SNTG2: variants seen among roughly 807,000 people sequenced by gnomAD.
SNTG2 encodes gamma-2-syntrophin.
A neutral mutation model predicts 70.9 loss-of-function variants in SNTG2; 74 were observed. That is an observed-to-expected ratio of 1.04 (90% CI 0.86 to 1.27). The LOEUF (loss-of-function observed/expected upper bound fraction) is 1.27, where lower values mean the gene tolerates loss of function less well. SNTG2 is among the 50% of genes most tolerant of loss of function. The pLI is 0.00. For synonymous variants in SNTG2, 278 were observed against 273.8 expected (o/e 1.02, Z -0.15); for missense variants, 717 against 690.7 (o/e 1.04, Z -0.43).
intron 1 of SNTG2, among the ~76,000 whole-genome samples, chr2:992,139 AT>A (rs1455999625): frequency 6.6e-6 from 1 of 152,204 alleles, no homozygotes; most frequent in African/African-American, 2.4e-5. Flanking sequence ...AACATATTTT[AT>A]ATAAATTATC....
At chr2:974,197 G>A (rs1205954928) in intron 1 of SNTG2, among the ~76,000 whole-genome samples, 3 of 152,118 alleles carry the variant, frequency 2.0e-5, no homozygotes, top group African/African-American at 7.2e-5. Flanking sequence ...CCCCTTAGAA[G>A]TCACCTTCAG....
intron 1 of SNTG2, among the ~76,000 whole-genome samples, chr2:1,081,280 T>C (rs1664275679): frequency 1.3e-5 from 2 of 152,118 alleles, no homozygotes; most frequent in African/African-American, 2.4e-5. Flanking sequence ...TGAGAGTAAA[T>C]GCGGGAGGCA....
chr2:1,012,108 A>G (rs1430381442), intron 1 of SNTG2, among the ~76,000 whole-genome samples: 3 of 152,190 alleles, frequency 2.0e-5, no homozygotes, highest in Non-Finnish European at 4.4e-5. Context: ...TGCTATTGAG[A>G]TAATAATCTG....
intron 8 of SNTG2, among the ~76,000 whole-genome samples, chr2:1,198,986 T>C (rs1194704179): frequency 6.6e-6 from 1 of 151,930 alleles, no homozygotes; most frequent in Non-Finnish European, 1.5e-5. Context: ...CTTCTTAAAC[T>C]ACTTCAAAAA....
At chr2:1,069,933 C>T (rs111408514) in intron 1 of SNTG2, among the ~76,000 whole-genome samples, 104 of 152,294 alleles carry the variant, frequency 6.8e-4, no homozygotes, top group African/African-American at 2.2e-3. Flanking sequence ...AAGCCCACTC[C>T]TCACCGCCTA....
chr2:1,259,431 A>C lies in SNTG2; in HGVS notation c.1067A>C (p.Lys356Thr). 6.2e-7 allele frequency: 1 copy of C among 1,613,824 alleles called. No individual in the cohort carries two copies. The highest frequency in any genetic ancestry group is 1.1e-5 in the South Asian group (1 of 91,056). ...TATCACCTCTGTGAGGTGCTATTTA[A>C]AGTTCACAAGGTAGGTATCTTTTGC... The part of the protein sequence containing the change: ...RTYHLCEVLF[K>T]VHKFWLTEDC... Residue 356 changes from lysine (K) to threonine (T), a missense_variant, in exon 13 of 17, where the codon AAA (lysine) becomes ACA (threonine). By Grantham distance (78) the Lys-to-Thr change is moderately conservative. Transcript: ENST00000308624.
intron 1 of SNTG2, among the ~76,000 whole-genome samples, chr2:971,153 A>G (rs1361332160): frequency 6.6e-6 from 1 of 152,238 alleles, no homozygotes; most frequent in African/African-American, 2.4e-5. Context: ...CTGGCTTCCT[A>G]GAATGAGTTA....
chr2:1,358,678 TG>T (rs922341532), intron 16 of SNTG2, among the ~76,000 whole-genome samples: 1 of 152,310 alleles, frequency 6.6e-6, no homozygotes, highest in Non-Finnish European at 1.5e-5. Flanking sequence ...CTTCTGCTAT[TG>T]ATTTCTAGCT....
intron 2 of SNTG2, among the ~76,000 whole-genome samples, chr2:1,095,233 G>C (rs6744980): frequency 0.79 from 120,723 of 152,170 alleles, 48,147 homozygotes; most frequent in Admixed American, 0.87. Flanking sequence ...CTGGAGGTCA[G>C]GACTTCAACA....
At chr2:1,282,226 G>A (rs952586109) in intron 14 of SNTG2, among the ~76,000 whole-genome samples, 2 of 152,140 alleles carry the variant, frequency 1.3e-5, no homozygotes, top group Non-Finnish European at 2.9e-5. Flanking sequence ...GAAGTGAATT[G>A]CACTTGTAGG....
intron 7 of SNTG2, among the ~76,000 whole-genome samples, chr2:1,170,635 G>A (rs1671065912): frequency 6.6e-6 from 1 of 151,226 alleles, no homozygotes; most frequent in Non-Finnish European, 1.5e-5. Flanking sequence ...CGCCCCCAAT[G>A]TCGCGGGCAT....
intron 16 of SNTG2, among the ~76,000 whole-genome samples, chr2:1,328,382 AAAAGAAT>A (rs1202987298): frequency 6.6e-6 from 1 of 152,218 alleles, no homozygotes; most frequent in Non-Finnish European, 1.5e-5. Context: ...AATTTAATAA[AAAAGAAT>A]AGAGCTTTAC....
chr2:1,224,084 A>C (rs2148054494), intron 9 of SNTG2, among the ~76,000 whole-genome samples: 1 of 152,274 alleles, frequency 6.6e-6, no homozygotes. Flanking sequence ...GGAAGGGGTG[A>C]GGGTCTCCCT....
At chr2:1,010,890 T>C (rs1225058088) in intron 1 of SNTG2, among the ~76,000 whole-genome samples, 1 of 152,178 alleles carries the variant, frequency 6.6e-6, no homozygotes, top group Non-Finnish European at 1.5e-5. Flanking sequence ...ACTTACTGTG[T>C]AGGCCCTAGA....
At chr2:1,135,752 C>T (rs1294230018) in intron 4 of SNTG2, among the ~76,000 whole-genome samples, 1 of 152,182 alleles carries the variant, frequency 6.6e-6, no homozygotes, top group African/African-American at 2.4e-5. Flanking sequence ...AAGACATTAT[C>T]TCCTGCACTG....
At chr2:978,104 T>G (rs1660973612) in intron 1 of SNTG2, among the ~76,000 whole-genome samples, 1 of 152,190 alleles carries the variant, frequency 6.6e-6, no homozygotes, top group African/African-American at 2.4e-5. Context: ...CATGGGCGAA[T>G]CCACCCAACT....
At chr2:1,185,296 C>T (rs968449174) in intron 8 of SNTG2, among the ~76,000 whole-genome samples, 3 of 152,194 alleles carry the variant, frequency 2.0e-5, no homozygotes, top group African/African-American at 7.2e-5. Context: ...GTGGGTCTTC[C>T]AGGAACATGG....
At chr2:1,078,994 G>A (rs528306381) in intron 1 of SNTG2, among the ~76,000 whole-genome samples, 71 of 152,298 alleles carry the variant, frequency 4.7e-4, no homozygotes, top group Admixed American at 4.6e-3. Flanking sequence ...GTTTTGAATG[G>A]GAAAGACTCA....
intron 1 of SNTG2, among the ~76,000 whole-genome samples, chr2:965,949 C>T (rs551926568): frequency 1.6e-4 from 25 of 152,240 alleles, no homozygotes; most frequent in Admixed American, 3.3e-4. Context: ...GGCCCAGCTC[C>T]TCCCGGCTGC....
Sources: allele counts gnomAD v4.1 joint callset (sites outside exome capture counted in the v4.1 genomes callset), GRCh38; gene constraint gnomAD v4.1.1; transcripts MANE v1.5; gene names NCBI Gene and HGNC (gene_info 2026-07-23, HGNC 2026-07-21).